Variants in PTOV1 observed in about 807,000 individuals in gnomAD.
PTOV1 encodes prostate tumor-overexpressed gene 1 protein.
Under a neutral mutation model 58.0 loss-of-function variants are expected in PTOV1, and 20 were observed. That is an observed-to-expected ratio of 0.34 (90% confidence interval 0.24 to 0.50). The LOEUF (loss-of-function observed/expected upper bound fraction) is 0.50, where lower values mean the gene tolerates loss of function less well. PTOV1 is among the 20% of genes least tolerant of loss of function. The pLI is 0.98. For synonymous variants in PTOV1, 335 were observed against 234.2 expected (o/e 1.43, Z -3.93); for missense variants, 593 against 565.4 (o/e 1.05, Z -0.50).
chr19:49,856,848 C>T (rs2122228593), intron 5 of PTOV1, 127 bp from the exon 6 acceptor site: 2 of 1,178,928 alleles, frequency 1.7e-6, no homozygotes, highest in Non-Finnish European at 2.4e-6. Flanking sequence ...TGGCCATGGC[C>T]TTGACTGTGG....
chr19:49,851,159 A>C, exon 1 of PTOV1: 1 of 1,252,146 alleles, frequency 8.0e-7, no homozygotes, highest in South Asian at 2.9e-5. Context: ...CGCTCGCCTC[A>C]GTGGTTCGGC....
chr19:49,858,506 G>A (rs531189330), intron 9 of PTOV1, 43 bp from the exon 10 acceptor site: 1 of 1,501,982 alleles, frequency 6.7e-7, no homozygotes, highest in Non-Finnish European at 9.1e-7. Context: ...GGGAGGCCGT[G>A]GTGGGAGAAG....
chr19:49,857,958 G>C (rs773657588), exon 8 of PTOV1: 2 of 1,613,590 alleles, frequency 1.2e-6, no homozygotes, highest in African/African-American at 1.3e-5. Context: ...CCACGTCTAC[G>C]TGAACCAGGG....
chr19:49,860,621 G>C, exon 12 of PTOV1: 1 of 475,578 alleles, frequency 2.1e-6, no homozygotes. Context: ...CAGGTGACAC[G>C]CTTCTGAGCA....
At chr19:49,851,187 G>A in exon 1 of PTOV1, 5 of 1,220,478 alleles carry the variant, frequency 4.1e-6, no homozygotes, top group Non-Finnish European at 5.1e-6. Context: ...ACCCCACTCC[G>A]GCGGCGCGTC....
At chr19:49,858,019 C>T (rs1221991124) in intron 8 of PTOV1, 38 bp from the exon 9 acceptor site, 1 of 1,613,396 alleles carries the variant, frequency 6.2e-7, no homozygotes, top group Admixed American at 1.7e-5. Flanking sequence ...TCCAGGGGAG[C>T]TGGGGCTTCC....
In PTOV1 at chr19:49,858,118, A is replaced by AGGGGCT; in HGVS notation, c.936+10_936+15dup. 6.2e-7 allele frequency: 1 copy of AGGGGCT among 1,612,912 alleles called. No homozygotes were observed. The highest frequency in any genetic ancestry group is 8.5e-7 in the Non-Finnish European group (1 of 1,179,824). On this transcript the variant is annotated splice_donor_region_variant and intron_variant, in intron 9 of 11. Coordinates refer to ENST00000391842, the Ensembl canonical transcript of PTOV1. ...GCTCATCCCGCAGCAGCTGCTGGTG[A>AGGGGCT]GGGGCTGGGGCCGGGTGCTGGAGCC...
At chr19:49,857,881 C>T (rs745383872) in intron 7 of PTOV1, 23 bp from the exon 8 acceptor site, 23 of 1,612,710 alleles carry the variant, frequency 1.4e-5, no homozygotes, top group African/African-American at 1.1e-4. Flanking sequence ...CCTGAGGGCT[C>T]CTCTTTGCCT....
chr19:49,857,365 G>A (rs952549456), intron 6 of PTOV1: 75 of 635,002 alleles, frequency 1.2e-4, no homozygotes, highest in Middle Eastern at 8.5e-4. Context: ...GGAAGCCAGC[G>A]GAGCGGGGAG....
chr19:49,851,149 C>T (rs980730058), upstream of PTOV1: 20 of 1,303,828 alleles, frequency 1.5e-5, no homozygotes, highest in Middle Eastern at 2.9e-4. Flanking sequence ...CGGGCTCCCC[C>T]GCTCGCCTCA....
chr19:49,860,289 C>A (rs552306813), exon 12 of PTOV1: 5 of 1,568,950 alleles, frequency 3.2e-6, no homozygotes, highest in Non-Finnish European at 4.3e-6. Context: ...GTGGTTACCC[C>A]GGGCTGGGCC....
exon 12 of PTOV1, chr19:49,860,686 C>T (rs2122302230): frequency 5.4e-6 from 2 of 373,140 alleles, no homozygotes; most frequent in Non-Finnish European, 9.8e-6. Context: ...GTCCTGAGGC[C>T]TCCAAGGACG....
exon 1 of PTOV1, chr19:49,851,222 C>A: frequency 1.7e-6 from 2 of 1,158,320 alleles, no homozygotes; most frequent in Non-Finnish European, 2.1e-6. Flanking sequence ...CGGCTCAGCC[C>A]GTCTCCCCCG....
chr19:49,850,956 G>C (rs1228645021), upstream of PTOV1: 1 of 1,535,654 alleles, frequency 6.5e-7, no homozygotes, highest in South Asian at 1.2e-5. Context: ...ACCCCATTCG[G>C]TAGGGGCTCC....
chr19:49,852,355 C>T (rs548497714), intron 1 of PTOV1: 1 of 152,500 alleles, frequency 6.6e-6, no homozygotes, highest in African/African-American at 2.4e-5. Context: ...ACAACTTAAA[C>T]GTACCCCTTC....
chr19:49,851,540 GCCCCC>G, intron 1 of PTOV1, 41 bp downstream of exon 1: 1 of 925,562 alleles, frequency 1.1e-6, no homozygotes, highest in Non-Finnish European at 1.3e-6. Context: ...CCACGGCCCC[GCCCCC>G]CCAGCCCCTA....
At chr19:49,860,117 G>T in exon 11 of PTOV1, 1 of 1,614,228 alleles carries the variant, frequency 6.2e-7, no homozygotes, top group Non-Finnish European at 8.5e-7. Flanking sequence ...ACGGCATCCG[G>T]CGTGTCATTG....
chr19:49,857,325 G>A lies in PTOV1; in HGVS notation c.714+195G>A. ...AGCGGCCACTGGGCGGCTCTGCAGGGCTGGAGGGTGGGTCTTGGCGCGGCG... is the reference window on the plus strand; with the variant it reads ...AGCGGCCACTGGGCGGCTCTGCAGGACTGGAGGGTGGGTCTTGGCGCGGCG... On this transcript the variant is annotated intron_variant, in intron 6 of 11. Coordinates refer to ENST00000391842, the Ensembl canonical transcript of PTOV1. 7.8e-6 allele frequency: 6 copies of A among 765,454 alleles called. No homozygotes were observed. In the East Asian group the frequency reaches 1.3e-4, roughly 17 times the overall value. 47.4% of individuals were successfully genotyped at this position (765,454 alleles called of 1,614,324 possible).
chr19:49,858,187 C>T lies in PTOV1; in HGVS notation c.936+73C>T, dbSNP rs533552549. 9.1e-6 allele frequency: 14 copies of T among 1,543,902 alleles called. No individual in the cohort carries two copies. In the African/African-American group the frequency reaches 1.2e-4, roughly 13 times the overall value. On this transcript the variant is annotated intron_variant, in intron 9 of 11. Transcript: ENST00000391842. Reference sequence around the variant, plus strand: ...CAGAGGGCGGGGCTGGGGGCAAGAGCGCCTCCCCAGGTGGCCTGAGCTGGC... The same window carrying T: ...CAGAGGGCGGGGCTGGGGGCAAGAGTGCCTCCCCAGGTGGCCTGAGCTGGC...
Sources: allele counts gnomAD v4.1 joint callset, GRCh38; gene constraint gnomAD v4.1.1; transcripts MANE v1.5; gene names NCBI Gene and HGNC (gene_info 2026-07-23, HGNC 2026-07-21).